The following ALDH1A3 variants were observed in gnomAD, a reference collection of about 807,000 sequenced individuals.
ALDH1A3 encodes the protein retinaldehyde dehydrogenase 3.
A neutral mutation model predicts 57.5 loss-of-function variants in ALDH1A3; 28 were observed. The observed-to-expected ratio is 0.49, with a 90% CI of 0.36 to 0.67. The LOEUF (loss-of-function observed/expected upper bound fraction) is 0.67, where lower values mean the gene tolerates loss of function less well. Among genes scored for constraint, ALDH1A3 ranks in the 30% least tolerant of loss-of-function variants. The pLI is 0.00. For missense variants in ALDH1A3, 507 were observed against 669.4 expected (o/e 0.76, Z 2.68); for synonymous variants, 281 against 264.8 (o/e 1.06, Z -0.59).
At position 100,915,739 on chromosome 15, in the gene ALDH1A3, C is replaced by T. The variant is rs756021563; in HGVS notation, c.*966C>T. ...TGTTACCCAATTTAGATTAGTAAAG[C>T]GTACACAACTGGAAAGACTGCTGTA... is the stretch of plus-strand genomic sequence containing the variant. On this transcript the variant is annotated 3_prime_UTR_variant, in exon 13 of 13. Coordinates refer to ENST00000329841, the MANE Select transcript of ALDH1A3 (RefSeq NM_000693.4). 2.6e-5 allele frequency: 4 copies of T among 152,184 alleles called. No homozygotes were observed. Among genetic ancestry groups the T allele is most frequent in the African/African-American group, 7.2e-5 (3 of 41,456 alleles). 9.4% of individuals were successfully genotyped at this position (152,184 alleles called of 1,614,324 possible).
chr15:100,893,064 G>A lies in ALDH1A3; in HGVS notation c.537+58G>A, dbSNP rs1235504226. 1.4e-5 allele frequency: 21 copies of A among 1,473,868 alleles called. No homozygotes were observed. The highest frequency in any genetic ancestry group is 1.9e-5 in the Non-Finnish European group (20 of 1,071,912). The allele number at this position is 1,473,868 out of a possible 1,614,324, so 91.3% of individuals were successfully genotyped here. A position where few individuals can be genotyped will look rare whatever the true frequency, so the allele number is the denominator to read the frequency against. ...TGTAGATCCTGCCCCACTGCCCTGT[G>A]TCCTTTGGAATCAATTTCTGGTGTG... On this transcript the variant is annotated intron_variant, in intron 5 of 12. Transcript: ENST00000329841. This position sits in a 1 kb window ranked among gnomAD's most constrained non-coding sequence, Gnocchi z 4.8.
At chr15:100,905,381 G>A (rs1596132365) in intron 9 of ALDH1A3, 142 bp from the exon 10 acceptor site, 2 of 1,037,252 alleles carry the variant, frequency 1.9e-6, no homozygotes, top group East Asian at 2.6e-5. Context: ...TTGCCTGCAA[G>A]GCTCATTAGT....
At position 100,894,204 on chromosome 15, in the gene ALDH1A3, C is replaced by T; in HGVS notation, c.666+122C>T. 1.5e-6 allele frequency: 2 copies of T among 1,300,748 alleles called. No individual in the cohort carries two copies. The highest frequency in any genetic ancestry group is 2.8e-5 in the South Asian group (2 of 71,428). The allele number at this position is 1,300,748 out of a possible 1,614,324, so 80.6% of individuals were successfully genotyped here. A position where few individuals can be genotyped will look rare whatever the true frequency, so the allele number is the denominator to read the frequency against. ...TGGCAATCGAGTGGGAAGGGAATGA[C>T]TTCCAGTGTTTTGTTTGGCGACTGC... is the stretch of plus-strand genomic sequence containing the variant. On this transcript the variant is annotated intron_variant, in intron 6 of 12. Transcript: ENST00000329841. The surrounding 1 kb of genome is among the most constrained non-coding windows in gnomAD (Gnocchi z 4.5).
At chr15:100,884,672 C>T (rs571036873) in intron 1 of ALDH1A3, among the ~76,000 whole-genome samples, 10 of 151,006 alleles carry the variant, frequency 6.6e-5, no homozygotes, top group African/African-American at 2.2e-4. Flanking sequence ...TGGTGGTTTG[C>T]TATGAAAATA....
chr15:100,890,483 G>C (rs2141552738), intron 3 of ALDH1A3, among the ~76,000 whole-genome samples: 2 of 152,194 alleles, frequency 1.3e-5, no homozygotes. Flanking sequence ...AAACTAACCT[G>C]GTAAATTCAT....
chr15:100,892,521 G>T lies in ALDH1A3; in HGVS notation c.357G>T (p.Thr119=), dbSNP rs1260832164. Reference sequence around the variant, plus strand: ...TCTTGTTATTGCAGGCCCTGGAGACGATGGATACAGGGAAGCCATTTCTTC... The same window carrying T: ...TCTTGTTATTGCAGGCCCTGGAGACTATGGATACAGGGAAGCCATTTCTTC... ...RDRATLAALE[T]MDTGKPFLHA... is the part of the protein sequence containing the mutation. Residue 119 remains threonine, a synonymous_variant, in exon 4 of 13, where the codon ACG becomes ACT. Transcript: ENST00000329841. The T allele has an allele frequency of 6.2e-7, 1 of 1,612,570 alleles. No individual in the cohort carries two copies. The highest frequency in any genetic ancestry group is 8.5e-7 in the Non-Finnish European group (1 of 1,179,678).
intron 3 of ALDH1A3, among the ~76,000 whole-genome samples, chr15:100,888,191 C>A (rs2141550668): frequency 6.6e-6 from 1 of 152,204 alleles, no homozygotes; most frequent in African/African-American, 2.4e-5. Context: ...CTCTGCCTCC[C>A]AGGTTAAAAT....
At position 100,905,409 on chromosome 15, in the gene ALDH1A3, G is replaced by T. The variant is rs1596132417; in HGVS notation, c.1069-114G>T. 1.4e-5 allele frequency: 19 copies of T among 1,323,506 alleles called. No individual in the cohort carries two copies. In the East Asian group the frequency reaches 2.9e-4, roughly 20 times the overall value. 82.0% of individuals were successfully genotyped at this position (1,323,506 alleles called of 1,614,324 possible). A position where few individuals can be genotyped will look rare whatever the true frequency, so the allele number is the denominator to read the frequency against. ...TCATTAGTTACATGGATCATGGCTT[G>T]ACAAGAACATGCAGAGGGAGGATGG... On this transcript the variant is annotated intron_variant, in intron 9 of 12. Coordinates refer to ENST00000329841, the MANE Select transcript of ALDH1A3 (RefSeq NM_000693.4).
In ALDH1A3 at chr15:100,898,184, C is replaced by T. The variant is rs1402842865; in HGVS notation, c.882C>T (p.Asp294=). The T allele has an allele frequency of 6.8e-6, 11 of 1,613,164 alleles. No individual in the cohort carries two copies. The highest frequency in any genetic ancestry group is 8.5e-6 in the Non-Finnish European group (10 of 1,179,404). Residue 294 remains aspartate, a splice_region_variant and synonymous_variant, in exon 8 of 13, where the codon GAC becomes GAT. Transcript: ENST00000329841. Reference sequence around the variant, plus strand: ...CCTGCATCGTGTGTGCGGACGCTGACTGTGAGTCTCTGCCCTCCTGGGCTT... The same window carrying T: ...CCTGCATCGTGTGTGCGGACGCTGATTGTGAGTCTCTGCCCTCCTGGGCTT... ...KNPCIVCADA[D]LDLAVECAHQ...
chr15:100,895,791 C>G, intron 6 of ALDH1A3, 142 bp from the exon 7 acceptor site: 1 of 700,104 alleles, frequency 1.4e-6, no homozygotes, highest in Non-Finnish European at 2.5e-6. Flanking sequence ...CCACGGTCAA[C>G]TGCTTCTGGG....
intron 12 of ALDH1A3, among the ~76,000 whole-genome samples, chr15:100,912,685 G>A (rs2041891968): frequency 6.6e-6 from 1 of 152,186 alleles, no homozygotes; most frequent in African/African-American, 2.4e-5. Flanking sequence ...CTAACACATA[G>A]TAGGGGCTCT....
rs386834230 is a variant in ALDH1A3, at chr15:100,887,578, G to A, written c.211G>A (p.Val71Met). 4.4e-6 allele frequency: 7 copies of A among 1,595,026 alleles called. No homozygotes were observed. Among genetic ancestry groups the A allele is most frequent in the Non-Finnish European group, 6.0e-6 (7 of 1,169,208 alleles). ...TGTTGTTCTGGTCGCTCAGCCCGAC[G>A]TGGACAAGGCTGTGGAGGCTGCACA... ...CEVEEGDKPD[V>M]DKAVEAAQVA... The change falls in exon 3 of 13, where the codon GTG (valine) becomes ATG (methionine). Residue 71 changes from valine (V) to methionine (M), a missense_variant. By Grantham distance (21) the Val-to-Met change is conservative (BLOSUM62 1). Coordinates refer to ENST00000329841, the MANE Select transcript of ALDH1A3 (RefSeq NM_000693.4). The surrounding 1 kb of genome is among the most constrained non-coding windows in gnomAD (Gnocchi z 4.6).
chr15:100,892,596 T>C lies in ALDH1A3; in HGVS notation c.432T>C (p.Phe144=), dbSNP rs1197777000. ...LEGCIRTLRY[F]AGWADKIQGK... is the part of the protein sequence containing the mutation. ...GCTGTATTAGAACCCTCAGATACTT[T>C]GCAGGGTGGGCAGACAAAATCCAGG... is the stretch of plus-strand genomic sequence containing the variant. Residue 144 remains phenylalanine (F), a synonymous_variant, in exon 4 of 13, where the codon TTT becomes TTC. Coordinates refer to ENST00000329841, the MANE Select transcript of ALDH1A3 (RefSeq NM_000693.4). 6 of 1,612,982 alleles carry C rather than the reference T, an allele frequency of 3.7e-6. No individual in the cohort carries two copies. Among genetic ancestry groups the C allele is most frequent in the Admixed American group, 3.3e-5 (2 of 59,722 alleles).
intron 12 of ALDH1A3, among the ~76,000 whole-genome samples, chr15:100,908,834 C>T (rs2141572478): frequency 6.6e-6 from 1 of 152,294 alleles, no homozygotes. Context: ...TCATTATTCA[C>T]ACAACTCCCC....
chr15:100,887,803 C>A lies in ALDH1A3; in HGVS notation c.345+91C>A. ...GGGGTATGGGAAAAAAGATCACGGT[C>A]CTGGTTTTGTGTGGTCGTGGGTCTG... On this transcript the variant is annotated intron_variant, in intron 3 of 12. Coordinates refer to ENST00000329841, the MANE Select transcript of ALDH1A3 (RefSeq NM_000693.4). The surrounding 1 kb of genome is among the most constrained non-coding windows in gnomAD (Gnocchi z 4.6). 6.9e-7 allele frequency: 1 copy of A among 1,450,004 alleles called. No homozygotes were observed. The highest frequency in any genetic ancestry group is 9.1e-7 in the Non-Finnish European group (1 of 1,094,374). 89.8% of individuals were successfully genotyped at this position (1,450,004 alleles called of 1,614,324 possible). A position where few individuals can be genotyped will look rare whatever the true frequency, so the allele number is the denominator to read the frequency against.
intron 9 of ALDH1A3, among the ~76,000 whole-genome samples, chr15:100,905,171 C>T (rs554469065): frequency 6.6e-6 from 1 of 152,326 alleles, no homozygotes; most frequent in East Asian, 1.9e-4. Flanking sequence ...CTAAATTTGG[C>T]AACCTGAGTA....
At chr15:100,912,721 T>C (rs889264696) in intron 12 of ALDH1A3, among the ~76,000 whole-genome samples, 3 of 152,220 alleles carry the variant, frequency 2.0e-5, no homozygotes, top group Admixed American at 6.5e-5. Context: ...ATTGTTATAA[T>C]TACAAGGAGG....
intron 7 of ALDH1A3, among the ~76,000 whole-genome samples, chr15:100,897,213 C>A (rs1266981143): frequency 5.9e-5 from 9 of 152,252 alleles, no homozygotes; most frequent in African/African-American, 1.9e-4. Flanking sequence ...CATGAGCTTG[C>A]TGATGTTTAA....
At chr15:100,908,151 C>A (rs1257498827) in intron 11 of ALDH1A3, among the ~76,000 whole-genome samples, 4 of 152,124 alleles carry the variant, frequency 2.6e-5, no homozygotes, top group African/African-American at 9.7e-5. Flanking sequence ...GCCTGGCCCT[C>A]TCTTCTTTTT....
Sources: allele counts gnomAD v4.1 joint callset (sites outside exome capture counted in the v4.1 genomes callset), GRCh38; gene constraint gnomAD v4.1.1; non-coding constraint Gnocchi (gnomAD v3.1); transcripts MANE v1.5; gene names NCBI Gene and HGNC (gene_info 2026-07-23, HGNC 2026-07-21).